The following GEMIN5 variants were observed in gnomAD, a reference collection of about 807,000 sequenced individuals.
The protein encoded by GEMIN5 is gem-associated protein 5.
A neutral mutation model predicts 176.9 loss-of-function variants in GEMIN5; 124 were observed. That is an observed-to-expected ratio of 0.70 (90% CI 0.61 to 0.81). The LOEUF is 0.81. Ranked by LOEUF, GEMIN5 falls within the 40% of genes least tolerant of loss-of-function variation. The pLI is 0.00. For synonymous variants in GEMIN5, 673 were observed against 665.2 expected (o/e 1.01, Z -0.18); for missense variants, 1,843 against 1,814.6 (o/e 1.02, Z -0.28).
Position 154,889,365 on chromosome 5 carries a change from T to C in GEMIN5, c.4315A>G (p.Thr1439Ala), listed in dbSNP as rs141457910. 29 of 1,610,956 alleles carry C rather than the reference T, an allele frequency of 1.8e-5. No homozygotes were observed. The African/African-American group carries it at 2.7e-4, about 15-fold the overall frequency. ...TTCGCCATTCTCTGATTTGCCTCGG[T>C]AAGCCTTTTGGTTAACTCAGGCAGA... ...LSLPELTKRL[T>A]EANQRMAKFP... The change falls in exon 27 of 28, where the codon ACC becomes GCC. Residue 1439 changes from threonine (T) to alanine (A), a missense_variant. Thr to Ala is a moderately conservative substitution (Grantham distance 58, BLOSUM62 0). Coordinates refer to ENST00000285873, the MANE Select transcript of GEMIN5 (RefSeq NM_015465.5).
chr5:154,900,454 G>A (rs1582654627), intron 21 of GEMIN5, among the ~76,000 whole-genome samples: 2 of 152,300 alleles, frequency 1.3e-5, no homozygotes, highest in East Asian at 1.9e-4. Flanking sequence ...CAAAATGGCT[G>A]AAACAACTGT....
intron 26 of GEMIN5, among the ~76,000 whole-genome samples, chr5:154,890,321 CTTTTAT>C (rs1004304267): frequency 6.6e-6 from 1 of 152,052 alleles, no homozygotes; most frequent in Non-Finnish European, 1.5e-5. Flanking sequence ...TAGCTTTTAC[CTTTTAT>C]TTTTAATATT....
intron 9 of GEMIN5, 25 bp downstream of exon 9, chr5:154,924,444 G>A: frequency 1.4e-6 from 2 of 1,480,042 alleles, no homozygotes; most frequent in Admixed American, 1.7e-5. Flanking sequence ...GGGCCACAAT[G>A]GAAGAAGAAT....
At chr5:154,934,468 C>T (rs1274062654) in intron 3 of GEMIN5, among the ~76,000 whole-genome samples, 1 of 152,160 alleles carries the variant, frequency 6.6e-6, no homozygotes, top group East Asian at 1.9e-4. Flanking sequence ...TGCACCACTG[C>T]ACCTGGCCTG....
In GEMIN5 at chr5:154,924,537, G is replaced by C; in HGVS notation, c.1311C>G (p.Thr437=). The change falls in exon 9 of 28, where the codon ACC becomes ACG. Residue 437 remains threonine, a synonymous_variant. Transcript: ENST00000285873. ...TTCCAAAAGCTAAGCAACCTTCCTTGGTTGGGTGCCAGCACAGCTACAAAA... is the reference window on the plus strand; with the variant it reads ...TTCCAAAAGCTAAGCAACCTTCCTTCGTTGGGTGCCAGCACAGCTACAAAA... ...SKVTALCWHP[T]KEGCLAFGTD... 1 of 1,611,294 alleles carries C rather than the reference G, an allele frequency of 6.2e-7. No individual in the cohort carries two copies. The highest frequency in any genetic ancestry group is 8.5e-7 in the Non-Finnish European group (1 of 1,177,622).
At chr5:154,928,798 A>AT in intron 5 of GEMIN5, 139 bp from the exon 6 acceptor site, 1 of 683,826 alleles carries the variant, frequency 1.5e-6, no homozygotes, top group Non-Finnish European at 2.5e-6. Context: ...TCATTTTCCA[A>AT]TGGTTACAAT....
intron 26 of GEMIN5, among the ~76,000 whole-genome samples, chr5:154,890,485 T>G (rs975020714): frequency 2.0e-5 from 3 of 147,894 alleles, no homozygotes; most frequent in Non-Finnish European, 3.0e-5. Flanking sequence ...TTTTTTTTTT[T>G]GTAGAGACAG....
chr5:154,911,671 C>A, intron 15 of GEMIN5, 56 bp downstream of exon 15: 2 of 1,447,788 alleles, frequency 1.4e-6, no homozygotes, highest in South Asian at 2.4e-5. Flanking sequence ...TCCTGATCAA[C>A]TCAATTATTA....
Position 154,901,423 on chromosome 5 carries a change from T to C in GEMIN5, c.2930A>G (p.Gln977Arg), listed in dbSNP as rs1051909479. The C allele has an allele frequency of 8.7e-6, 14 of 1,613,986 alleles. No homozygotes were observed. Among genetic ancestry groups the C allele is most frequent in the Non-Finnish European group, 1.1e-5 (13 of 1,179,868 alleles). The change falls in exon 21 of 28, where the codon CAG (glutamine) becomes CGG (arginine). Residue 977 changes from glutamine to arginine, a missense_variant. By Grantham distance (43) the Gln-to-Arg change is conservative. Coordinates refer to ENST00000285873, the MANE Select transcript of GEMIN5 (RefSeq NM_015465.5). ...TAGGTGAGAAGCAGCCTTGACATAC[T>C]GATCCTGAAAACACAGCTGTTTGGC... ...AFAKQLCFQD[Q>R]YVKAASHLLS...
intron 24 of GEMIN5, among the ~76,000 whole-genome samples, chr5:154,893,807 G>C (rs953909296): frequency 1.3e-5 from 2 of 151,952 alleles, no homozygotes; most frequent in Admixed American, 1.3e-4. Flanking sequence ...GCAGTGGCAC[G>C]ATCTCGGCTC....
chr5:154,917,882 AAT>A, intron 12 of GEMIN5, 47 bp downstream of exon 12: 1 of 1,177,582 alleles, frequency 8.5e-7, no homozygotes, highest in Non-Finnish European at 1.3e-6. Context: ...CTTGTGATCA[AAT>A]ATATGTGCGA....
intron 16 of GEMIN5, among the ~76,000 whole-genome samples, chr5:154,906,960 C>T (rs772699219): frequency 1.4e-4 from 22 of 152,300 alleles, no homozygotes; most frequent in South Asian, 4.1e-4. Flanking sequence ...TCTGACAAAC[C>T]ATTCTCAACA....
chr5:154,921,266 T>C, intron 10 of GEMIN5, 77 bp downstream of exon 10: 1 of 795,082 alleles, frequency 1.3e-6, no homozygotes, highest in South Asian at 1.4e-5. Context: ...TTATGACTCT[T>C]TCCATCTTTA....
chr5:154,935,679 A>G (rs1422687863), intron 3 of GEMIN5, among the ~76,000 whole-genome samples, 162 bp downstream of exon 3: 4 of 152,248 alleles, frequency 2.6e-5, no homozygotes, highest in Admixed American at 6.5e-5. Flanking sequence ...TGGCAGAGAC[A>G]GTAAAGACCT....
chr5:154,930,695 G>A (rs1256520534), intron 5 of GEMIN5, among the ~76,000 whole-genome samples: 2 of 152,136 alleles, frequency 1.3e-5, no homozygotes, highest in East Asian at 3.9e-4. Context: ...TGGGGGAGGG[G>A]GAAATGGAGA....
chr5:154,933,266 T>C (rs749513130), intron 3 of GEMIN5, among the ~76,000 whole-genome samples: 8 of 152,216 alleles, frequency 5.3e-5, no homozygotes, highest in African/African-American at 9.6e-5. Flanking sequence ...TATTCCTAAA[T>C]AAGATATAGA....
Position 154,896,323 on chromosome 5 carries a change from G to A in GEMIN5, c.3366C>T (p.Cys1122=). 2 of 1,589,718 alleles carry A rather than the reference G, an allele frequency of 1.3e-6. No individual in the cohort carries two copies. Among genetic ancestry groups the A allele is most frequent in the Admixed American group, 3.7e-5 (2 of 54,474 alleles). ...GATGCCTGGACAGTAGCTCCAGAAG[G>A]CAAAACACCAATCTCTGACCCTGGA... is the stretch of plus-strand genomic sequence containing the variant. ...ESLQGQRLVF[C]LLELLSRHLE... The change falls in exon 24 of 28, where the codon TGC becomes TGT. Residue 1122 remains cysteine (C), a synonymous_variant. Transcript: ENST00000285873.
rs766523664 is a variant in GEMIN5, at chr5:154,896,348, A to T, written c.3346-5T>A. ...GCAAAACACCAATCTCTGACCCTGG[A>T]ACACGACAACAAGGAAGAGGAACTG... On this transcript the variant is annotated splice_polypyrimidine_tract_variant and splice_region_variant and intron_variant, in intron 23 of 27. Transcript: ENST00000285873. 3.8e-6 allele frequency: 6 copies of T among 1,560,594 alleles called. No individual in the cohort carries two copies. In the South Asian group the frequency reaches 4.9e-5, roughly 13 times the overall value.
intron 18 of GEMIN5, among the ~76,000 whole-genome samples, 184 bp downstream of exon 18, chr5:154,904,323 A>G (rs1429254599): frequency 1.3e-5 from 2 of 152,182 alleles, no homozygotes; most frequent in African/African-American, 2.4e-5. Flanking sequence ...GTGGGTCACA[A>G]TGGGGAGTTT....
Sources: gnomAD v4.1 joint callset for allele counts (sites outside exome capture counted in the v4.1 genomes callset) on GRCh38, gnomAD v4.1.1 for gene constraint, MANE v1.5 for transcripts, NCBI Gene and HGNC (gene_info 2026-07-23, HGNC 2026-07-21) for gene names.